IGFL2: variants seen among roughly 807,000 people sequenced by gnomAD.
IGFL2 encodes IGF like family member 2.
Under a neutral mutation model 13.9 loss-of-function variants are expected in IGFL2, and 7 were observed. That is an observed-to-expected ratio of 0.51 (90% CI 0.29 to 0.95). The LOEUF is 0.95. Among genes scored for constraint, IGFL2 ranks in the 40% least tolerant of loss-of-function variants. The pLI is 0.08. For missense variants in IGFL2, 138 were observed against 147.8 expected, an observed-to-expected ratio of 0.93 and a Z score of 0.34; for synonymous variants, 55 against 55.8, an observed-to-expected ratio of 0.99 and a Z score of 0.07.
At chr19:46,129,263 T>C in the IGFL2 span, among the ~76,000 whole-genome samples, 1 of 151,990 alleles carries the variant, frequency 6.6e-6, no homozygotes, top group East Asian at 1.9e-4. Context: ...CTATCTATTT[T>C]ATTAATTTTT....
chr19:46,104,661 C>T, the IGFL2 span, among the ~76,000 whole-genome samples: 1 of 152,064 alleles, frequency 6.6e-6, no homozygotes, highest in Non-Finnish European at 1.5e-5. Flanking sequence ...TGGACAGGGG[C>T]AAATCCCTGA....
chr19:46,174,860 A>C, the IGFL2 span, among the ~76,000 whole-genome samples: 1 of 152,194 alleles, frequency 6.6e-6, no homozygotes, highest in Non-Finnish European at 1.5e-5. Context: ...TGATGCTTTT[A>C]AGATGTTTTT....
At chr19:46,215,341 TAATA>T in the IGFL2 span, among the ~76,000 whole-genome samples, 2 of 152,150 alleles carry the variant, frequency 1.3e-5, no homozygotes, top group Admixed American at 6.5e-5. Flanking sequence ...ATTTTTGATC[TAATA>T]AATCTTCATA....
chr19:46,138,435 T>A (rs555606187), upstream of IGFL2, among the ~76,000 whole-genome samples: 1 of 152,248 alleles, frequency 6.6e-6, no homozygotes, highest in Admixed American at 6.5e-5. Context: ...GCAACAACAC[T>A]CCAACGTGGG....
chr19:46,140,291 GT>G (rs1334809041), upstream of IGFL2, among the ~76,000 whole-genome samples: 4 of 151,496 alleles, frequency 2.6e-5, no homozygotes, highest in Non-Finnish European at 5.9e-5. Context: ...GAACTTACAT[GT>G]TTTTCAAGTC....
the IGFL2 span, among the ~76,000 whole-genome samples, chr19:46,131,926 G>T: frequency 6.6e-6 from 1 of 152,214 alleles, no homozygotes; most frequent in African/African-American, 2.4e-5. Context: ...GGAGCAGAGC[G>T]AGACTCCCTC....
chr19:46,098,389 G>A, the IGFL2 span, among the ~76,000 whole-genome samples: 1 of 151,358 alleles, frequency 6.6e-6, no homozygotes, highest in Admixed American at 6.6e-5. Context: ...TTGAGCCTAT[G>A]TGTATCATTG....
At chr19:46,197,529 C>A in the IGFL2 span, among the ~76,000 whole-genome samples, 1 of 152,102 alleles carries the variant, frequency 6.6e-6, no homozygotes, top group African/African-American at 2.4e-5. Context: ...TTCAGTCTCT[C>A]CCCCATCTCT....
the IGFL2 span, among the ~76,000 whole-genome samples, chr19:46,110,879 A>G: frequency 2.6e-5 from 4 of 152,224 alleles, no homozygotes; most frequent in Non-Finnish European, 5.9e-5. Flanking sequence ...TACTTATACA[A>G]TTAATGTTTC....
the IGFL2 span, among the ~76,000 whole-genome samples, chr19:46,090,482 C>A: frequency 1.3e-5 from 2 of 152,192 alleles, no homozygotes; most frequent in Non-Finnish European, 2.9e-5. Flanking sequence ...TACTTATTTC[C>A]AGTCTTTGTA....
At chr19:46,204,970 A>G in the IGFL2 span, 7 of 146,078 alleles carry the variant, frequency 4.8e-5, no homozygotes. Context: ...TAGTTTTAGT[A>G]TAGACGGGAT....
intron 1 of IGFL2, among the ~76,000 whole-genome samples, chr19:46,157,675 A>G (rs537000533): frequency 6.6e-6 from 1 of 152,350 alleles, no homozygotes; most frequent in Admixed American, 6.5e-5. Flanking sequence ...AACTAATATA[A>G]TAAGTAATGG....
chr19:46,171,143 C>T, the IGFL2 span, among the ~76,000 whole-genome samples: 3 of 152,134 alleles, frequency 2.0e-5, no homozygotes, highest in Non-Finnish European at 4.4e-5. Flanking sequence ...GTGATGTCTT[C>T]CCCAGACACC....
At chr19:46,085,545 A>G in the IGFL2 span, among the ~76,000 whole-genome samples, 1 of 152,114 alleles carries the variant, frequency 6.6e-6, no homozygotes. Flanking sequence ...TCTCTTGAAT[A>G]CAGTATACAG....
the IGFL2 span, among the ~76,000 whole-genome samples, chr19:46,181,519 G>A: frequency 6.6e-6 from 1 of 152,170 alleles, no homozygotes; most frequent in Non-Finnish European, 1.5e-5. Flanking sequence ...CATCACTATT[G>A]TGAAACCTAA....
At chr19:46,147,122 G>T (rs1973177664), upstream of IGFL2, among the ~76,000 whole-genome samples, 1 of 152,178 alleles carries the variant, frequency 6.6e-6, no homozygotes, top group South Asian at 2.1e-4. Flanking sequence ...ATCACTGTCT[G>T]TTCCTTTTCT....
At chr19:46,081,639 A>C in the IGFL2 span, among the ~76,000 whole-genome samples, 1 of 152,192 alleles carries the variant, frequency 6.6e-6, no homozygotes, top group Non-Finnish European at 1.5e-5. Flanking sequence ...GCCCTCAGCC[A>C]GGAATTTGGG....
upstream of IGFL2, among the ~76,000 whole-genome samples, chr19:46,145,205 G>A (rs1352053200): frequency 1.3e-5 from 2 of 151,802 alleles, no homozygotes; most frequent in South Asian, 2.1e-4. Flanking sequence ...AATGTTTTTC[G>A]GGGTTATATA....
chr19:46,199,597 C>G, the IGFL2 span, among the ~76,000 whole-genome samples: 2 of 152,220 alleles, frequency 1.3e-5, no homozygotes, highest in East Asian at 3.9e-4. Flanking sequence ...CACTGTCTCA[C>G]CCCAGGCCTG....
Sources: gnomAD v4.1 joint callset for allele counts (sites outside exome capture counted in the v4.1 genomes callset) on GRCh38, gnomAD v4.1.1 for gene constraint, MANE v1.5 for transcripts, NCBI Gene and HGNC (gene_info 2026-07-23, HGNC 2026-07-21) for gene names.